The following TPRG1 variants were observed in gnomAD, a reference collection of about 807,000 sequenced individuals.
The protein encoded by TPRG1 is tumor protein p63-regulated gene 1 protein.
A neutral mutation model predicts 29.3 loss-of-function variants in TPRG1; 29 were observed. The observed-to-expected ratio is 0.99, with a 90% confidence interval of 0.74 to 1.35. TPRG1 has a LOEUF of 1.35. Among genes scored for constraint, TPRG1 ranks in the 40% most tolerant of loss-of-function variants. TPRG1 has a pLI of 0.00. For missense variants in TPRG1, 327 were observed against 335.0 expected (o/e 0.98, Z 0.19); for synonymous variants, 130 against 116.8 (o/e 1.11, Z -0.73).
chr3:189,080,015 T>G (rs755363582), intron 4 of TPRG1, among the ~76,000 whole-genome samples: 10 of 152,190 alleles, frequency 6.6e-5, no homozygotes, highest in Non-Finnish European at 1.0e-4. Flanking sequence ...GTTGTATAGC[T>G]AAATAGATAT....
intron 1 of TPRG1, among the ~76,000 whole-genome samples, chr3:189,176,954 G>A (rs1046935993): frequency 3.9e-5 from 6 of 152,206 alleles, no homozygotes; most frequent in African/African-American, 1.4e-4. Context: ...GAATGACATG[G>A]TCTGACTTAT....
chr3:189,222,573 G>T (rs1336859325), intron 3 of TPRG1, among the ~76,000 whole-genome samples: 1 of 152,114 alleles, frequency 6.6e-6, no homozygotes, highest in Non-Finnish European at 1.5e-5. Context: ...TCTCATCCCA[G>T]CCAGGCCTAC....
At chr3:189,235,603 T>C (rs1017989437) in intron 3 of TPRG1, among the ~76,000 whole-genome samples, 9 of 152,216 alleles carry the variant, frequency 5.9e-5, no homozygotes, top group Admixed American at 6.5e-5. Flanking sequence ...ATTGTTGTTC[T>C]GAAGAAGTTT....
intron 1 of TPRG1, among the ~76,000 whole-genome samples, chr3:189,115,365 TAGG>T (rs1560458552): frequency 6.6e-6 from 1 of 152,236 alleles, no homozygotes; most frequent in Non-Finnish European, 1.5e-5. Flanking sequence ...GGCTGAAATC[TAGG>T]AGAAGTTGAG....
intron 4 of TPRG1, among the ~76,000 whole-genome samples, chr3:189,082,427 A>G (rs1277946498): frequency 6.6e-6 from 1 of 152,142 alleles, no homozygotes; most frequent in Non-Finnish European, 1.5e-5. Context: ...TAGGAAGACA[A>G]AAACTTAAAA....
At chr3:189,201,820 T>C (rs1379782164) in intron 1 of TPRG1, among the ~76,000 whole-genome samples, 1 of 151,958 alleles carries the variant, frequency 6.6e-6, no homozygotes, top group African/African-American at 2.4e-5. Flanking sequence ...CTGGCTAATT[T>C]TTGTATTTTT....
chr3:189,169,005 T>A (rs2108653116), upstream of TPRG1, among the ~76,000 whole-genome samples: 1 of 152,278 alleles, frequency 6.6e-6, no homozygotes, highest in African/African-American at 2.4e-5. Context: ...GGAGACTAGC[T>A]TGTGTGATCA....
At chr3:189,291,717 G>C in intron 4 of TPRG1, among the ~76,000 whole-genome samples, 1 of 152,160 alleles carries the variant, frequency 6.6e-6, no homozygotes, top group East Asian at 1.9e-4. Context: ...TGTTTTATTT[G>C]CATAGTGCTT....
chr3:189,260,600 G>A (rs773304243), intron 4 of TPRG1, among the ~76,000 whole-genome samples: 20 of 152,206 alleles, frequency 1.3e-4, no homozygotes, highest in Non-Finnish European at 2.6e-4. Flanking sequence ...TAAGCAGGGA[G>A]GTCAGGCCAA....
chr3:189,271,571 G>T (rs1432913250), intron 4 of TPRG1, among the ~76,000 whole-genome samples: 1 of 152,212 alleles, frequency 6.6e-6, no homozygotes, highest in Admixed American at 6.5e-5. Context: ...TTTGGGTATT[G>T]TGCATGCGTA....
intron 4 of TPRG1, among the ~76,000 whole-genome samples, chr3:189,293,915 C>T (rs1374567183): frequency 1.3e-5 from 2 of 152,186 alleles, no homozygotes; most frequent in Non-Finnish European, 2.9e-5. Flanking sequence ...AAAAGCTTGC[C>T]TCAGTCTGCA....
chr3:189,130,145 A>T (rs1722942326), intron 2 of TPRG1, among the ~76,000 whole-genome samples: 1 of 152,206 alleles, frequency 6.6e-6, no homozygotes, highest in Admixed American at 6.5e-5. Context: ...ATCATGATGT[A>T]TGTACAGATC....
chr3:189,120,387 G>A (rs562769211), intron 1 of TPRG1: 1 of 152,162 alleles, frequency 6.6e-6, no homozygotes, highest in East Asian at 1.9e-4. Flanking sequence ...CTGCAGTTAT[G>A]GTAAATGTCT....
At chr3:189,175,282 A>G (rs1325838062) in intron 1 of TPRG1, among the ~76,000 whole-genome samples, 6 of 149,048 alleles carry the variant, frequency 4.0e-5, no homozygotes, top group African/African-American at 7.6e-5. Flanking sequence ...CTTTGGCTCA[A>G]TAGACGTGAG....
intron 4 of TPRG1, among the ~76,000 whole-genome samples, chr3:189,061,069 A>G (rs1282120096): frequency 6.6e-6 from 1 of 152,242 alleles, no homozygotes; most frequent in African/African-American, 2.4e-5. Context: ...CAGTAACCTG[A>G]ACAGCATGAT....
At position 189,216,796 on chromosome 3, in the gene TPRG1, G is replaced by A. The variant is rs562404105; in HGVS notation, c.302+1413G>A. On this transcript the variant is annotated intron_variant, in intron 3 of 5. Coordinates refer to ENST00000345063, the MANE Select transcript of TPRG1 (RefSeq NM_198485.4). The stretch of plus-strand genomic sequence containing the variant: ...TTTCCTAATTCACTTTTACCAACAC[G>A]CATTTCATTTCCCACCCCCACTTCC... Among the ~76,000 whole-genome samples the A allele has an allele frequency of 2.7e-4, 41 of 152,142 alleles. No individual in the cohort carries two copies. The East Asian group carries it at 7.1e-3, about 27-fold the overall frequency.
intron 1 of TPRG1, among the ~76,000 whole-genome samples, chr3:189,201,031 G>A (rs1416045029): frequency 6.6e-6 from 1 of 152,164 alleles, no homozygotes; most frequent in Non-Finnish European, 1.5e-5. Context: ...CACAGCATTT[G>A]TCCCCTTTGG....
chr3:189,109,729 C>T (rs1349081896), intron 1 of TPRG1, among the ~76,000 whole-genome samples: 1 of 152,104 alleles, frequency 6.6e-6, no homozygotes, highest in African/African-American at 2.4e-5. Context: ...CCTTTTAGTA[C>T]ACAATTCTAT....
intron 5 of TPRG1, among the ~76,000 whole-genome samples, chr3:189,157,701 C>G (rs972394010): frequency 1.3e-5 from 2 of 152,158 alleles, no homozygotes; most frequent in African/African-American, 4.8e-5. Context: ...AAATAAAACA[C>G]AAGCAGAACA....
Sources: allele counts gnomAD v4.1 joint callset (sites outside exome capture counted in the v4.1 genomes callset), GRCh38; gene constraint gnomAD v4.1.1; transcripts MANE v1.5; gene names NCBI Gene and HGNC (gene_info 2026-07-23, HGNC 2026-07-21).